The following MTFR1 variants were observed in gnomAD, a reference collection of about 807,000 sequenced individuals.
The protein encoded by MTFR1 is mitochondrial fission regulator 1.
In MTFR1, 28 loss-of-function variants were observed where a neutral mutation model predicts 38.8. That is an observed-to-expected ratio of 0.72 (90% CI 0.53 to 0.99). The LOEUF is 0.99. Ranked by LOEUF, MTFR1 falls within the 50% of genes least tolerant of loss-of-function variation. The pLI, the probability that MTFR1 is intolerant of heterozygous loss-of-function variation, is 0.00. For synonymous variants in MTFR1, 145 were observed against 137.0 expected, an observed-to-expected ratio of 1.06 and a Z score of -0.41; for missense variants, 358 against 395.5, an observed-to-expected ratio of 0.91 and a Z score of 0.81.
intron 3 of MTFR1, among the ~76,000 whole-genome samples, chr8:65,759,415 C>A (rs1309656546): frequency 6.6e-6 from 1 of 152,246 alleles, no homozygotes; most frequent in African/African-American, 2.4e-5. Context: ...AAGGTCCCCA[C>A]TTCCCACCCT....
At chr8:65,688,892 C>G (rs1175946405) in intron 3 of MTFR1, among the ~76,000 whole-genome samples, 1 of 152,006 alleles carries the variant, frequency 6.6e-6, no homozygotes, top group East Asian at 1.9e-4. Context: ...CACCTGTAAT[C>G]CCAGCACTTT....
chr8:65,693,401 CAA>C (rs145531132), intron 3 of MTFR1, among the ~76,000 whole-genome samples: 1 of 131,474 alleles, frequency 7.6e-6, no homozygotes, highest in Non-Finnish European at 1.6e-5. Flanking sequence ...GACTTTGTCT[CAA>C]AAAAAAAAAA....
chr8:65,709,164 A>G lies in MTFR1; in HGVS notation c.*120A>G, dbSNP rs1805872270. ...TTTAGTATTCAGTGGTCTTCTTTTC[A>G]GGCTAATTAGTGGATTAAGCAATAA... is the stretch of plus-strand genomic sequence containing the variant. On this transcript the variant is annotated 3_prime_UTR_variant, in exon 8 of 8. Coordinates refer to ENST00000262146, the MANE Select transcript of MTFR1 (RefSeq NM_014637.4). 3.3e-6 allele frequency: 3 copies of G among 911,296 alleles called. No homozygotes were observed. Among genetic ancestry groups the G allele is most frequent in the Non-Finnish European group, 3.5e-6 (2 of 572,308 alleles). The allele number at this position is 911,296 out of a possible 1,614,324, so 56.5% of individuals were successfully genotyped here.
At chr8:65,737,135 G>A (rs1388293303) in intron 3 of MTFR1, among the ~76,000 whole-genome samples, 1 of 151,946 alleles carries the variant, frequency 6.6e-6, no homozygotes, top group African/African-American at 2.4e-5. Flanking sequence ...AAAAACACCT[G>A]AGTTATTATT....
At chr8:65,689,506 G>A in intron 3 of MTFR1, 1 of 1,067,116 alleles carries the variant, frequency 9.4e-7, no homozygotes, top group Non-Finnish European at 1.2e-6. Flanking sequence ...TGAATGAAAT[G>A]TGATTTTGAA....
intron 1 of MTFR1, among the ~76,000 whole-genome samples, chr8:65,663,851 G>A (rs959876651): frequency 5.3e-5 from 7 of 131,676 alleles, no homozygotes; most frequent in Admixed American, 3.4e-4. Context: ...TTGAGACGGA[G>A]CCTCACTCTG....
chr8:65,669,936 G>GA lies in MTFR1; in HGVS notation c.-16dup. 1 of 1,602,918 alleles carries GA rather than the reference G, an allele frequency of 6.2e-7. No individual in the cohort carries two copies. The highest frequency in any genetic ancestry group is 8.5e-7 in the Non-Finnish European group (1 of 1,177,396). ...GAAGTACTTGAAATGCAAATTTGGG[G>GA]AGACTTTGCCATATAAATGCTTGGC... is the stretch of plus-strand genomic sequence containing the variant. On this transcript the variant is annotated 5_prime_UTR_variant, in exon 2 of 8. The change abolishes the stop of an existing upstream ORF in the 5' untranslated region. Transcript: ENST00000262146.
intron 3 of MTFR1, 117 bp from the exon 4 acceptor site, chr8:65,693,527 G>GA: frequency 1.4e-6 from 1 of 713,308 alleles, no homozygotes; most frequent in East Asian, 2.7e-5. Context: ...GGAAGAGTTA[G>GA]AAACCACTCA....
intron 4 of MTFR1, 30 bp from the exon 5 acceptor site, chr8:65,704,664 G>T: frequency 6.3e-7 from 1 of 1,595,650 alleles, no homozygotes; most frequent in African/African-American, 1.3e-5. Flanking sequence ...TACAAAGCCT[G>T]TGACAGCCCA....
the MTFR1 span, among the ~76,000 whole-genome samples, chr8:65,778,259 T>G: frequency 1.3e-5 from 2 of 152,208 alleles, no homozygotes; most frequent in African/African-American, 2.4e-5. Flanking sequence ...TTTCTTGAAA[T>G]GCTTGCTCTG....
intron 3 of MTFR1, among the ~76,000 whole-genome samples, chr8:65,737,334 T>C (rs937430469): frequency 6.6e-6 from 1 of 151,992 alleles, no homozygotes; most frequent in African/African-American, 2.4e-5. Context: ...ATATGAACAA[T>C]GTGCAAAGTG....
At chr8:65,691,840 T>A (rs1169057437) in intron 3 of MTFR1, among the ~76,000 whole-genome samples, 1 of 152,204 alleles carries the variant, frequency 6.6e-6, no homozygotes, top group Non-Finnish European at 1.5e-5. Flanking sequence ...TTAATGCTAC[T>A]TTATTAAGTT....
intron 2 of MTFR1, among the ~76,000 whole-genome samples, chr8:65,681,671 G>GTTTTTTT (rs200580429): frequency 1.0e-4 from 11 of 108,310 alleles, no homozygotes; most frequent in East Asian, 2.9e-4. Context: ...TGTTGTTTTT[G>GTTTTTTT]TTTTTTTTTT....
chr8:65,671,561 G>A (rs199556249), intron 2 of MTFR1, among the ~76,000 whole-genome samples: 6,158 of 133,814 alleles, frequency 0.046, 184 homozygotes, highest in Non-Finnish European at 0.067. Flanking sequence ...AAAAAAAAAA[G>A]AACTTCACTT....
intron 1 of MTFR1, among the ~76,000 whole-genome samples, chr8:65,660,644 G>A (rs1286433290): frequency 6.6e-6 from 1 of 152,084 alleles, no homozygotes; most frequent in African/African-American, 2.4e-5. Context: ...GGACTTTCTA[G>A]CCTCCATAAT....
At chr8:65,680,899 CTTTTTTTTTT>C (rs1199113408) in intron 2 of MTFR1, among the ~76,000 whole-genome samples, 10 of 93,622 alleles carry the variant, frequency 1.1e-4, no homozygotes, top group East Asian at 7.3e-4. Context: ...AAGCAGTTCT[CTTTTTTTTTT>C]TTTTTTTTTT....
At chr8:65,682,013 C>A (rs1563446094) in intron 2 of MTFR1, 1 of 155,692 alleles carries the variant, frequency 6.4e-6, no homozygotes, top group East Asian at 1.9e-4. Flanking sequence ...AAAAATATAG[C>A]AGAAGAGATA....
chr8:65,670,106 C>A, intron 2 of MTFR1, 88 bp downstream of exon 2: 3 of 1,104,044 alleles, frequency 2.7e-6, no homozygotes, highest in Non-Finnish European at 4.0e-6. Context: ...CTATATATGA[C>A]CAACATCTTG....
At chr8:65,672,296 C>T (rs1804585019) in intron 2 of MTFR1, among the ~76,000 whole-genome samples, 1 of 152,130 alleles carries the variant, frequency 6.6e-6, no homozygotes, top group Non-Finnish European at 1.5e-5. Context: ...AACTAATTTC[C>T]AGTATTTTTT....
Sources: gnomAD v4.1 joint callset for allele counts (sites outside exome capture counted in the v4.1 genomes callset) on GRCh38, gnomAD v4.1.1 for gene constraint, MANE v1.5 for transcripts, NCBI Gene and HGNC (gene_info 2026-07-23, HGNC 2026-07-21) for gene names.